PHKB: variants seen among roughly 807,000 people sequenced by gnomAD.
PHKB encodes the protein phosphorylase b kinase regulatory subunit beta.
Under a neutral mutation model 152.1 loss-of-function variants are expected in PHKB, and 122 were observed. The observed-to-expected ratio is 0.80, with a 90% CI of 0.69 to 0.93. The LOEUF (loss-of-function observed/expected upper bound fraction) is 0.93, where lower values mean the gene tolerates loss of function less well. PHKB is among the 40% of genes least tolerant of loss of function. PHKB has a pLI of 0.00. For missense variants in PHKB, 1,304 were observed against 1,328.4 expected (o/e 0.98, Z 0.29); for synonymous variants, 436 against 464.9 (o/e 0.94, Z 0.80).
At chr16:47,623,732 A>G (rs1972660006) in intron 14 of PHKB, among the ~76,000 whole-genome samples, 1 of 151,304 alleles carries the variant, frequency 6.6e-6, no homozygotes. Flanking sequence ...TTGTTTTTGT[A>G]TTTTTAATAG....
At chr16:47,527,997 G>A (rs773994501) in intron 6 of PHKB, among the ~76,000 whole-genome samples, 9 of 152,106 alleles carry the variant, frequency 5.9e-5, no homozygotes, top group Non-Finnish European at 1.3e-4. Context: ...TAAGCCACAC[G>A]GACTATGGTA....
At position 47,649,126 on chromosome 16, in the gene PHKB, G is replaced by C. The variant is rs770204026; in HGVS notation, c.1719G>C (p.Val573=). 6.2e-7 allele frequency: 1 copy of C among 1,605,980 alleles called. No homozygotes were observed. The highest frequency in any genetic ancestry group is 1.7e-5 in the Admixed American group (1 of 59,992). Residue 573 remains valine, a synonymous_variant, in exon 18 of 31, where the codon GTG becomes GTC. Transcript: ENST00000323584. ...SKIYRILGKT[V]VCYPIIFDLS... ...TTTATCGCATTCTAGGAAAGACTGT[G>C]GTTTGTTACCCGATTATTTTCGACC...
At position 47,588,992 on chromosome 16, in the gene PHKB, G is replaced by T; in HGVS notation, c.958G>T (p.Val320Leu). ...EVLFSQTLDK[V>L]VRKLKGKYGF... ...TCTTTTTAGCCAGACACTTGATAAA[G>T]TGGTTAGAAAATTAAAAGGAAAATA... The change falls in exon 10 of 31, where the codon GTG becomes TTG. Residue 320 changes from valine to leucine, a missense_variant. Physicochemically the swap from Val to Leu is conservative, Grantham distance 32. Transcript: ENST00000323584. The T allele has an allele frequency of 6.2e-7, 1 of 1,613,886 alleles. No homozygotes were observed. The highest frequency in any genetic ancestry group is 8.5e-7 in the Non-Finnish European group (1 of 1,179,778).
chr16:47,553,669 A>G (rs1321833643), intron 7 of PHKB, among the ~76,000 whole-genome samples: 1 of 152,080 alleles, frequency 6.6e-6, no homozygotes, highest in Non-Finnish European at 1.5e-5. Flanking sequence ...CTGTTCGTCG[A>G]TTTATCTACC....
intron 9 of PHKB, 143 bp from the exon 10 acceptor site, chr16:47,588,761 GA>G: frequency 1.4e-6 from 1 of 717,564 alleles, no homozygotes; most frequent in South Asian, 1.5e-5. Flanking sequence ...ACATGCCATA[GA>G]AACATCTGTC....
chr16:47,558,233 G>C (rs1171770988), intron 7 of PHKB, among the ~76,000 whole-genome samples: 1 of 128,852 alleles, frequency 7.8e-6, no homozygotes, highest in African/African-American at 2.9e-5. Flanking sequence ...GGACTGTTGT[G>C]GGGTCGGGGG....
chr16:47,567,476 A>G (rs957430017), intron 7 of PHKB, among the ~76,000 whole-genome samples: 2 of 152,146 alleles, frequency 1.3e-5, no homozygotes, highest in Non-Finnish European at 2.9e-5. Flanking sequence ...AAAATCAGAG[A>G]TATAAAAAGA....
intron 1 of PHKB, among the ~76,000 whole-genome samples, chr16:47,484,471 A>G (rs1205331903): frequency 6.6e-6 from 1 of 152,244 alleles, no homozygotes; most frequent in Non-Finnish European, 1.5e-5. Flanking sequence ...AAATAAAAGT[A>G]TGTATATATG....
intron 6 of PHKB, among the ~76,000 whole-genome samples, chr16:47,516,731 T>C (rs553844856): frequency 4.3e-4 from 66 of 152,322 alleles, no homozygotes; most frequent in Admixed American, 1.4e-3. Context: ...TATGAGTTTA[T>C]AGTCTCATAC....
At chr16:47,517,766 T>A (rs915347459) in intron 6 of PHKB, among the ~76,000 whole-genome samples, 23 of 152,144 alleles carry the variant, frequency 1.5e-4, no homozygotes, top group South Asian at 6.2e-4. Flanking sequence ...TTTAAAAAAA[T>A]TTCTTATTTG....
intron 20 of PHKB, among the ~76,000 whole-genome samples, chr16:47,658,363 AC>A (rs1226690506): frequency 6.6e-6 from 1 of 151,980 alleles, no homozygotes; most frequent in Admixed American, 6.6e-5. Flanking sequence ...ATGGCTAACA[AC>A]CCTCATCCTA....
At chr16:47,476,203 A>G (rs1054841968) in intron 1 of PHKB, among the ~76,000 whole-genome samples, 7 of 152,188 alleles carry the variant, frequency 4.6e-5, no homozygotes, top group African/African-American at 4.8e-5. Flanking sequence ...TGTTAAGCAG[A>G]TTTTATGTAG....
intron 7 of PHKB, chr16:47,561,767 G>A (rs1309942640): frequency 6.6e-6 from 1 of 152,188 alleles, no homozygotes; most frequent in Admixed American, 6.5e-5. Flanking sequence ...GAGACTGGAT[G>A]AAAATATACT....
At chr16:47,466,603 A>G (rs1244022768) in intron 1 of PHKB, among the ~76,000 whole-genome samples, 1 of 152,198 alleles carries the variant, frequency 6.6e-6, no homozygotes, top group East Asian at 1.9e-4. Context: ...GAGCTTCAAC[A>G]TAGGACTTGA....
chr16:47,691,263 C>G (rs985592975), intron 27 of PHKB, among the ~76,000 whole-genome samples: 7 of 152,140 alleles, frequency 4.6e-5, no homozygotes, highest in African/African-American at 1.7e-4. Flanking sequence ...GACACGGAAA[C>G]TAAACACCAA....
chr16:47,568,757 T>A (rs1200719484), intron 7 of PHKB, among the ~76,000 whole-genome samples: 2 of 152,214 alleles, frequency 1.3e-5, no homozygotes, highest in African/African-American at 4.8e-5. Context: ...TTTTAAAATT[T>A]CATCTTGATT....
intron 26 of PHKB, among the ~76,000 whole-genome samples, chr16:47,678,361 G>A (rs1006554138): frequency 4.9e-4 from 75 of 152,178 alleles, no homozygotes; most frequent in Non-Finnish European, 3.8e-4. Context: ...TTCCACAATG[G>A]TTGAACTAGT....
intron 26 of PHKB, among the ~76,000 whole-genome samples, chr16:47,682,219 G>A (rs906106835): frequency 6.6e-6 from 1 of 152,136 alleles, no homozygotes; most frequent in African/African-American, 2.4e-5. Flanking sequence ...CAACTTTGGT[G>A]AATCTGACAA....
At chr16:47,620,864 ACT>A (rs1393020454) in intron 14 of PHKB, among the ~76,000 whole-genome samples, 8 of 151,712 alleles carry the variant, frequency 5.3e-5, no homozygotes, top group Admixed American at 1.3e-4. Flanking sequence ...ACAGAGTGAG[ACT>A]CTGTCTCAAA....
Sources: allele counts gnomAD v4.1 joint callset (sites outside exome capture counted in the v4.1 genomes callset), GRCh38; gene constraint gnomAD v4.1.1; transcripts MANE v1.5; gene names NCBI Gene and HGNC (gene_info 2026-07-23, HGNC 2026-07-21).